The following EPHB1 variants were observed in gnomAD, a reference collection of about 807,000 sequenced individuals.
EPHB1 encodes EPH receptor B1.
Under a neutral mutation model 94.4 loss-of-function variants are expected in EPHB1, and 30 were observed. The observed-to-expected ratio is 0.32, with a 90% CI of 0.24 to 0.43. The LOEUF is 0.43. Ranked by LOEUF, EPHB1 falls within the 20% of genes least tolerant of loss-of-function variation. The pLI, the probability that EPHB1 is intolerant of heterozygous loss-of-function variation, is 1.00. For missense variants in EPHB1, 1,055 were observed against 1,308.3 expected (o/e 0.81, Z 2.99); for synonymous variants, 522 against 489.1 (o/e 1.07, Z -0.89).
chr3:134,900,911 C>A (rs1256471122), intron 1 of EPHB1, among the ~76,000 whole-genome samples: 3 of 152,120 alleles, frequency 2.0e-5, no homozygotes, highest in African/African-American at 4.8e-5. Context: ...CCTCACATAG[C>A]ATACAGTTGC....
chr3:134,809,558 A>G lies in EPHB1; in HGVS notation c.58+13869A>G, dbSNP rs1054115133. ...TATTTGGCAATTCATTTGCATTTCA[A>G]TGGTTCCTTAGCAACTATCATGCCC... On this transcript the variant is annotated intron_variant, in intron 1 of 15. Coordinates refer to ENST00000398015, the MANE Select transcript of EPHB1 (RefSeq NM_004441.5). 2.6e-5 allele frequency among the ~76,000 whole-genome samples: 4 copies of G among 152,132 alleles called. No homozygotes were observed. The East Asian group carries it at 5.8e-4, about 22-fold the overall frequency.
In EPHB1 at chr3:135,203,298, C is replaced by T. The variant is rs184479227; in HGVS notation, c.2346+1609C>T. On this transcript the variant is annotated intron_variant, in intron 12 of 15. Transcript: ENST00000398015. ...CATTAGGACAAATTCCTAATGCATT[C>T]AGGGCTTAAAACCTAGATGATGGGT... 1.0e-3 allele frequency among the ~76,000 whole-genome samples: 153 copies of T among 152,192 alleles called. 1 individual carries two copies. The highest frequency in any genetic ancestry group is 3.5e-3 in the African/African-American group (146 of 41,534).
chr3:135,227,191 T>C (rs1943422562), intron 12 of EPHB1, among the ~76,000 whole-genome samples: 1 of 152,034 alleles, frequency 6.6e-6, no homozygotes, highest in Non-Finnish European at 1.5e-5. Context: ...CATCAAAAAA[T>C]AAAAATATGT....
chr3:135,061,754 C>G (rs952619581), intron 3 of EPHB1, among the ~76,000 whole-genome samples: 2 of 152,132 alleles, frequency 1.3e-5, no homozygotes, highest in East Asian at 3.9e-4. Flanking sequence ...CCACTCCCCC[C>G]ACACCACAAC....
rs553856273 is a variant in EPHB1 at position 134,822,005 on chromosome 3, T to A, written c.58+26316T>A. Among the ~76,000 whole-genome samples the A allele has an allele frequency of 3.3e-5, 5 of 152,180 alleles. 1 individual carries two copies. The South Asian group carries it at 1.0e-3, about 32-fold the overall frequency. On this transcript the variant is annotated intron_variant, in intron 1 of 15. Coordinates refer to ENST00000398015, the MANE Select transcript of EPHB1 (RefSeq NM_004441.5). ...TGGTTAAACGCAAAGTGAAAGACAATGTTGAAAAGGAGGAGGAGGAAGGGA... is the reference window on the plus strand; with the variant it reads ...TGGTTAAACGCAAAGTGAAAGACAAAGTTGAAAAGGAGGAGGAGGAAGGGA...
chr3:135,192,637 G>C lies in EPHB1; in HGVS notation c.1944G>C (p.Val648=). ...LKLPGKREIY[V]AIKTLKAGYS... ...TGCCAGGCAAGAGGGAAATCTACGT[G>C]GCCATCAAGACCCTGAAGGCAGGGT... is the stretch of plus-strand genomic sequence containing the variant. Residue 648 remains valine (V), a synonymous_variant, in exon 11 of 16, where the codon GTG becomes GTC. Coordinates refer to ENST00000398015, the MANE Select transcript of EPHB1 (RefSeq NM_004441.5). The C allele has an allele frequency of 6.2e-7, 1 of 1,614,080 alleles. No homozygotes were observed. The highest frequency in any genetic ancestry group is 8.5e-7 in the Non-Finnish European group (1 of 1,179,986).
intron 1 of EPHB1, among the ~76,000 whole-genome samples, chr3:134,900,458 A>G (rs1185538521): frequency 6.6e-6 from 1 of 152,194 alleles, no homozygotes; most frequent in African/African-American, 2.4e-5. Context: ...AGGGCAGCTT[A>G]GAGGGTGGGT....
At chr3:135,124,481 A>G (rs578092817) in intron 4 of EPHB1, among the ~76,000 whole-genome samples, 3 of 151,920 alleles carry the variant, frequency 2.0e-5, no homozygotes, top group Non-Finnish European at 4.4e-5. Context: ...GTTAAAAATT[A>G]CAGCTGCCAA....
intron 7 of EPHB1, among the ~76,000 whole-genome samples, chr3:135,165,546 A>G (rs767795206): frequency 6.6e-6 from 1 of 152,268 alleles, no homozygotes; most frequent in African/African-American, 2.4e-5. Flanking sequence ...TATCTGCTCA[A>G]TGAATCTATT....
intron 3 of EPHB1, among the ~76,000 whole-genome samples, chr3:134,964,172 G>A (rs1053369749): frequency 2.6e-5 from 4 of 152,230 alleles, no homozygotes; most frequent in Non-Finnish European, 5.9e-5. Context: ...GCATTAGGAT[G>A]TATAAGAAAA....
intron 1 of EPHB1, among the ~76,000 whole-genome samples, chr3:134,868,878 G>A (rs748436408): frequency 2.6e-5 from 4 of 152,248 alleles, no homozygotes; most frequent in Non-Finnish European, 4.4e-5. Flanking sequence ...CCTTGCTGTC[G>A]TGCTGTGCCC....
rs2036161085 is a variant in EPHB1, at chr3:134,810,962, A to G, written c.58+15273A>G. Among the ~76,000 whole-genome samples the G allele has an allele frequency of 2.0e-5, 3 of 152,014 alleles. No homozygotes were observed. In the South Asian group the frequency reaches 6.2e-4, roughly 32 times the overall value. On this transcript the variant is annotated intron_variant, in intron 1 of 15. Coordinates refer to ENST00000398015, the MANE Select transcript of EPHB1 (RefSeq NM_004441.5). Reference sequence around the variant, plus strand: ...GGTTAAAGACTTTCATAGGAGGGAGAGTGAGCGACTGCTTTTCCCCAGAAG... The same window carrying G: ...GGTTAAAGACTTTCATAGGAGGGAGGGTGAGCGACTGCTTTTCCCCAGAAG...
intron 2 of EPHB1, among the ~76,000 whole-genome samples, chr3:134,931,305 C>T (rs1056927687): frequency 7.2e-5 from 11 of 152,192 alleles, no homozygotes; most frequent in African/African-American, 2.7e-4. Context: ...AAACCTAGTC[C>T]CTCTGATCAA....
At chr3:134,810,668 A>C (rs2036154221) in intron 1 of EPHB1, among the ~76,000 whole-genome samples, 1 of 152,186 alleles carries the variant, frequency 6.6e-6, no homozygotes, top group East Asian at 1.9e-4. Flanking sequence ...CAGCTATAGC[A>C]CTTACTAATT....
intron 2 of EPHB1, among the ~76,000 whole-genome samples, chr3:134,929,139 T>G (rs1233919687): frequency 6.6e-6 from 1 of 152,170 alleles, no homozygotes; most frequent in Non-Finnish European, 1.5e-5. Flanking sequence ...CACATTTGCC[T>G]TTCCCGGGGA....
At chr3:135,148,672 G>C (rs1184110659) in intron 5 of EPHB1, among the ~76,000 whole-genome samples, 1 of 152,130 alleles carries the variant, frequency 6.6e-6, no homozygotes, top group East Asian at 1.9e-4. Context: ...TGTCAATTCA[G>C]GCAAGAACAT....
At chr3:134,944,972 A>T (rs1485966094) in intron 2 of EPHB1, among the ~76,000 whole-genome samples, 1 of 152,250 alleles carries the variant, frequency 6.6e-6, no homozygotes, top group African/African-American at 2.4e-5. Context: ...AAAAAGTATC[A>T]TAATGTGGCT....
chr3:135,248,217 C>A (rs1449627361), intron 13 of EPHB1, 99 bp from the exon 14 acceptor site: 3 of 1,172,816 alleles, frequency 2.6e-6, no homozygotes, highest in Non-Finnish European at 3.5e-6. Context: ...GCATCTGAGA[C>A]AGCCTGGATC....
chr3:134,878,323 A>G (rs2037659049), intron 1 of EPHB1, among the ~76,000 whole-genome samples: 1 of 152,196 alleles, frequency 6.6e-6, no homozygotes, highest in South Asian at 2.1e-4. Context: ...TCTACTCTTA[A>G]TGGAGAATTA....
Sources: allele counts gnomAD v4.1 joint callset (sites outside exome capture counted in the v4.1 genomes callset), GRCh38; gene constraint gnomAD v4.1.1; transcripts MANE v1.5; gene names NCBI Gene and HGNC (gene_info 2026-07-23, HGNC 2026-07-21).